MSH3: variants seen among roughly 807,000 people sequenced by gnomAD.
The protein encoded by MSH3 is DNA mismatch repair protein Msh3.
Under a neutral mutation model 123.3 loss-of-function variants are expected in MSH3, and 106 were observed. That is an observed-to-expected ratio of 0.86 (90% CI 0.73 to 1.01). The LOEUF (loss-of-function observed/expected upper bound fraction) is 1.01, where lower values mean the gene tolerates loss of function less well. MSH3 is among the 50% of genes least tolerant of loss of function. The pLI, the probability that MSH3 is intolerant of heterozygous loss-of-function variation, is 0.00. For missense variants in MSH3, 1,459 were observed against 1,347.6 expected, an observed-to-expected ratio of 1.08 and a Z score of -1.29; for synonymous variants, 515 against 481.4, an observed-to-expected ratio of 1.07 and a Z score of -0.91.
chr5:80,824,380 C>G (rs1745255304), intron 20 of MSH3, among the ~76,000 whole-genome samples: 1 of 150,430 alleles, frequency 6.6e-6, no homozygotes, highest in Non-Finnish European at 1.5e-5. Context: ...CCCCCACCTC[C>G]CTCCAGGACG....
intron 8 of MSH3, among the ~76,000 whole-genome samples, chr5:80,698,540 AG>A (rs1388391926): frequency 6.6e-6 from 1 of 152,198 alleles, no homozygotes; most frequent in African/African-American, 2.4e-5. Context: ...AATGCCAGTC[AG>A]GTGGAGGTGT....
chr5:80,795,745 GT>G (rs1465619669), intron 19 of MSH3, among the ~76,000 whole-genome samples: 10 of 152,060 alleles, frequency 6.6e-5, no homozygotes, highest in African/African-American at 2.4e-4. Context: ...TCTTTTTATT[GT>G]CTTTAAAAAG....
chr5:80,705,652 A>G (rs1750704745), intron 8 of MSH3, among the ~76,000 whole-genome samples: 2 of 152,222 alleles, frequency 1.3e-5, no homozygotes, highest in South Asian at 4.1e-4. Flanking sequence ...TCTGGAGGAT[A>G]GAAGTAAAAA....
At chr5:80,820,569 T>G (rs1236421618) in intron 20 of MSH3, among the ~76,000 whole-genome samples, 2 of 152,194 alleles carry the variant, frequency 1.3e-5, no homozygotes, top group African/African-American at 4.8e-5. Flanking sequence ...CAATAAAAAC[T>G]GTAATATAAA....
intron 2 of MSH3, among the ~76,000 whole-genome samples, chr5:80,662,916 AAG>A (rs1455549334): frequency 6.6e-6 from 1 of 152,172 alleles, no homozygotes; most frequent in Non-Finnish European, 1.5e-5. Flanking sequence ...TTGAAGCACA[AAG>A]AGAAAATTGG....
rs552453605 is a variant in MSH3 at position 80,675,284 on chromosome 5, C to T, written c.1173+156C>T. Among the ~76,000 whole-genome samples the T allele has an allele frequency of 2.6e-5, 4 of 152,192 alleles. No individual in the cohort carries two copies. In the South Asian group the frequency reaches 6.2e-4, roughly 24 times the overall value. On this transcript the variant is annotated intron_variant, in intron 7 of 23. Transcript: ENST00000265081. ...TTTCTCACAATATTATATGTTAAATCGCTAGTTACAATTTTCTCATGGCTA... is the reference window on the plus strand; with the variant it reads ...TTTCTCACAATATTATATGTTAAATTGCTAGTTACAATTTTCTCATGGCTA...
At chr5:80,861,799 C>G (rs1746017076) in intron 21 of MSH3, among the ~76,000 whole-genome samples, 1 of 152,114 alleles carries the variant, frequency 6.6e-6, no homozygotes, top group South Asian at 2.1e-4. Flanking sequence ...GTTTCTGCCT[C>G]CATTTCAGCT....
rs576226786 is a variant in MSH3, at chr5:80,835,995, G to A, written c.2814-18135G>A. 1.7e-3 allele frequency among the ~76,000 whole-genome samples: 254 copies of A among 151,892 alleles called. 1 individual carries two copies. Among genetic ancestry groups the A allele is most frequent in the Admixed American group, 3.0e-3 (46 of 15,244 alleles). On this transcript the variant is annotated intron_variant, in intron 20 of 23. Transcript: ENST00000265081. ...ACAACCAGTTATATTACTATAATAA[G>A]CTTTCCATGAAAACACCAAAAAGTA...
chr5:80,725,717 A>C (rs1390508900), intron 9 of MSH3, 152 bp downstream of exon 9: 1 of 678,210 alleles, frequency 1.5e-6, no homozygotes, highest in Non-Finnish European at 2.7e-6. Context: ...CAGAAACACT[A>C]TTGTACTGCA....
chr5:80,785,466 G>A (rs1744488991), intron 17 of MSH3, among the ~76,000 whole-genome samples: 1 of 152,224 alleles, frequency 6.6e-6, no homozygotes, highest in South Asian at 2.1e-4. Context: ...AACAGGTGCT[G>A]GAGAGGATGT....
intron 20 of MSH3, 135 bp downstream of exon 20, chr5:80,813,876 C>T: frequency 1.0e-6 from 1 of 1,003,386 alleles, no homozygotes; most frequent in Non-Finnish European, 1.5e-6. Context: ...TAAATTATTT[C>T]AAGGCCGGGC....
At chr5:80,746,250 C>T (rs1431828210) in intron 12 of MSH3, 2 of 241,738 alleles carry the variant, frequency 8.3e-6, no homozygotes, top group Non-Finnish European at 1.6e-5. Flanking sequence ...CATTTCACTG[C>T]TGTTTGTCTG....
At chr5:80,786,027 G>A (rs1744501710) in intron 17 of MSH3, among the ~76,000 whole-genome samples, 1 of 151,966 alleles carries the variant, frequency 6.6e-6, no homozygotes, top group Non-Finnish European at 1.5e-5. Flanking sequence ...AACATTGGGA[G>A]ATATACCTAA....
At chr5:80,737,915 T>C (rs1277935247) in intron 10 of MSH3, among the ~76,000 whole-genome samples, 1 of 152,112 alleles carries the variant, frequency 6.6e-6, no homozygotes, top group Non-Finnish European at 1.5e-5. Context: ...TAGATATCAG[T>C]TTAAAAAAAC....
rs564860733 is a variant in MSH3 at position 80,849,246 on chromosome 5, A to C, written c.2814-4884A>C. On this transcript the variant is annotated intron_variant, in intron 20 of 23. Transcript: ENST00000265081. ...CTTTGCAGGGTACAGCCTCCCTCCC[A>C]GCTTCTTTCACAGGCTGACATTGAG... is the stretch of plus-strand genomic sequence containing the variant. 3.9e-5 allele frequency among the ~76,000 whole-genome samples: 6 copies of C among 152,160 alleles called. No homozygotes were observed. In the South Asian group the frequency reaches 1.2e-3, roughly 32 times the overall value.
intron 20 of MSH3, among the ~76,000 whole-genome samples, chr5:80,841,020 A>AG (rs1173457150): frequency 6.7e-6 from 1 of 150,164 alleles, no homozygotes; most frequent in African/African-American, 2.5e-5. Context: ...CTTGTCATTT[A>AG]CATTAGGTAT....
intron 19 of MSH3, among the ~76,000 whole-genome samples, chr5:80,810,172 C>CATATATATATATATATATATATAT (rs113702568): frequency 0.016 from 1,987 of 120,664 alleles, 61 homozygotes; most frequent in Non-Finnish European, 0.021. Context: ...GTTTGACATA[C>CATATATATATATATATATATATAT]ATATATATAT....
At chr5:80,698,820 A>G (rs969565704) in intron 8 of MSH3, among the ~76,000 whole-genome samples, 6 of 147,582 alleles carry the variant, frequency 4.1e-5, no homozygotes, top group Non-Finnish European at 9.0e-5. Context: ...GGTGGGGGGG[A>G]CGGATAGCAT....
intron 23 of MSH3, among the ~76,000 whole-genome samples, chr5:80,873,575 A>C (rs6151931): frequency 3.6e-3 from 544 of 152,330 alleles, no homozygotes; most frequent in African/African-American, 0.012. Context: ...TTAAAGATTC[A>C]GTATGCCAAA....
Sources: allele counts gnomAD v4.1 joint callset (sites outside exome capture counted in the v4.1 genomes callset), GRCh38; gene constraint gnomAD v4.1.1; transcripts MANE v1.5; gene names NCBI Gene and HGNC (gene_info 2026-07-23, HGNC 2026-07-21).